MAP2K4: variants seen among roughly 807,000 people sequenced by gnomAD.
MAP2K4 encodes the protein dual specificity mitogen-activated protein kinase kinase 4.
Under a neutral mutation model 48.5 loss-of-function variants are expected in MAP2K4, and 4 were observed. That is an observed-to-expected ratio of 0.08 (90% CI 0.04 to 0.19). MAP2K4 has a LOEUF of 0.19. Among genes scored for constraint, MAP2K4 ranks in the 10% least tolerant of loss-of-function variants. The pLI is 1.00. For synonymous variants in MAP2K4, 166 were observed against 173.1 expected (o/e 0.96, Z 0.32); for missense variants, 258 against 493.3 (o/e 0.52, Z 4.52).
At chr17:12,139,431 A>AT (rs1973306747) in intron 9 of MAP2K4, among the ~76,000 whole-genome samples, 1 of 152,184 alleles carries the variant, frequency 6.6e-6, no homozygotes, top group Non-Finnish European at 1.5e-5. Flanking sequence ...GAATTACTTG[A>AT]TTGCTGGTTT....
chr17:12,113,672 C>T (rs1972382468), intron 7 of MAP2K4, among the ~76,000 whole-genome samples: 1 of 152,174 alleles, frequency 6.6e-6, no homozygotes, highest in African/African-American at 2.4e-5. Flanking sequence ...AAGTTCCCAC[C>T]GTCCCTTAGT....
At chr17:12,133,122 C>T (rs1973085672) in intron 9 of MAP2K4, among the ~76,000 whole-genome samples, 1 of 152,038 alleles carries the variant, frequency 6.6e-6, no homozygotes, top group Non-Finnish European at 1.5e-5. Context: ...TGCTCTGTCG[C>T]CCAGGCTGGA....
chr17:12,143,324 T>G lies in MAP2K4; in HGVS notation c.*2064T>G. 1 of 232,870 alleles carries G rather than the reference T, an allele frequency of 4.3e-6. No homozygotes were observed. The highest frequency in any genetic ancestry group is 8.5e-6 in the Non-Finnish European group (1 of 117,536). 14.4% of individuals were successfully genotyped at this position (232,870 alleles called of 1,614,324 possible). On this transcript the variant is annotated 3_prime_UTR_variant, in exon 11 of 11. Coordinates refer to ENST00000353533, the MANE Select transcript of MAP2K4 (RefSeq NM_003010.4). ...CCGTTCTATTGTGTGGATGACCACATAAGAAGGCAATTTTAGTGTATTAAT... is the reference window on the plus strand; with the variant it reads ...CCGTTCTATTGTGTGGATGACCACAGAAGAAGGCAATTTTAGTGTATTAAT...
rs894653497 is a variant in MAP2K4, at chr17:12,030,057, T to C, written c.115+9056T>C. Among the ~76,000 whole-genome samples, 14 of 152,340 alleles carry C rather than the reference T, an allele frequency of 9.2e-5. No individual in the cohort carries two copies. In the South Asian group the frequency reaches 2.9e-3, roughly 32 times the overall value. ...ATTTTTCCTTCCCACCATCTTTCTCTTGTGCAAGACTGTTGCTTGTCCCCT... is the reference window on the plus strand; with the variant it reads ...ATTTTTCCTTCCCACCATCTTTCTCCTGTGCAAGACTGTTGCTTGTCCCCT... On this transcript the variant is annotated intron_variant, in intron 1 of 10. Transcript: ENST00000353533.
chr17:12,123,211 A>G (rs1320177986), intron 7 of MAP2K4, among the ~76,000 whole-genome samples: 3 of 152,248 alleles, frequency 2.0e-5, no homozygotes, highest in African/African-American at 7.2e-5. Context: ...GTATTTGAAA[A>G]GAGTTCACCA....
chr17:12,134,092 C>A (rs1357564982), intron 9 of MAP2K4, among the ~76,000 whole-genome samples: 1 of 152,198 alleles, frequency 6.6e-6, no homozygotes, highest in Non-Finnish European at 1.5e-5. Context: ...AAAATTAAAT[C>A]CCTATAGTAG....
intron 4 of MAP2K4, among the ~76,000 whole-genome samples, chr17:12,100,130 A>G (rs1971892910): frequency 6.6e-6 from 1 of 152,206 alleles, no homozygotes; most frequent in Non-Finnish European, 1.5e-5. Context: ...TGTTTGAACA[A>G]ATGTATACAC....
chr17:12,027,150 T>C (rs1461382506), intron 1 of MAP2K4, among the ~76,000 whole-genome samples: 4 of 152,196 alleles, frequency 2.6e-5, no homozygotes, highest in Admixed American at 2.6e-4. Flanking sequence ...CTCTTCATGC[T>C]CGGTAAGGTT....
intron 7 of MAP2K4, among the ~76,000 whole-genome samples, chr17:12,118,639 T>A (rs1972577814): frequency 6.6e-6 from 1 of 152,224 alleles, no homozygotes; most frequent in African/African-American, 2.4e-5. Context: ...CAAATGCGAC[T>A]TCATTAATTC....
chr17:12,119,932 G>T (rs917063920), intron 7 of MAP2K4, among the ~76,000 whole-genome samples: 3 of 152,134 alleles, frequency 2.0e-5, no homozygotes, highest in Non-Finnish European at 4.4e-5. Context: ...AATACCACAT[G>T]TTCTCTTAAG....
At chr17:12,042,167 C>CA (rs71142262) in intron 1 of MAP2K4, among the ~76,000 whole-genome samples, 14,755 of 55,426 alleles carry the variant, frequency 0.27, 2,324 homozygotes, top group Middle Eastern at 0.34. Context: ...AACTTTGTCT[C>CA]AAAAAAAAAA....
intron 4 of MAP2K4, among the ~76,000 whole-genome samples, chr17:12,100,234 G>A (rs193124467): frequency 7.9e-5 from 12 of 152,250 alleles, no homozygotes; most frequent in African/African-American, 2.4e-4. Flanking sequence ...CCTCTCTGCT[G>A]TCCCCATTCT....
chr17:12,112,510 T>C (rs1253153865), intron 6 of MAP2K4, among the ~76,000 whole-genome samples: 1 of 151,914 alleles, frequency 6.6e-6, no homozygotes, highest in Non-Finnish European at 1.5e-5. Context: ...GAATGGATGT[T>C]TGATAGGCCC....
At chr17:12,021,308 G>T (rs1028501032) in intron 1 of MAP2K4, 1 of 190,876 alleles carries the variant, frequency 5.2e-6, no homozygotes, top group African/African-American at 2.3e-5. Flanking sequence ...CGTCCCCATC[G>T]CCCCCGCCGC....
chr17:12,139,910 A>C, intron 10 of MAP2K4, 26 bp downstream of exon 10: 2 of 1,554,696 alleles, frequency 1.3e-6, no homozygotes, highest in Non-Finnish European at 1.7e-6. Flanking sequence ...TGGGGATTGT[A>C]GGTACATCCT....
At chr17:12,121,571 T>G (rs2151584411) in intron 7 of MAP2K4, among the ~76,000 whole-genome samples, 1 of 105,450 alleles carries the variant, frequency 9.5e-6, no homozygotes, top group East Asian at 2.9e-4. Flanking sequence ...CGAGACTCCG[T>G]CTCAAAAAAA....
chr17:12,091,494 A>G (rs893828268), intron 3 of MAP2K4, among the ~76,000 whole-genome samples: 2 of 152,130 alleles, frequency 1.3e-5, no homozygotes, highest in African/African-American at 4.8e-5. Flanking sequence ...CCAACAACTA[A>G]ATTTGTGGCT....
In MAP2K4 at chr17:12,081,317, T is replaced by A; in HGVS notation, c.219-39T>A. 6.5e-7 allele frequency: 1 copy of A among 1,543,024 alleles called. No individual in the cohort carries two copies. Among genetic ancestry groups the A allele is most frequent in the East Asian group, 2.3e-5 (1 of 44,394 alleles). On this transcript the variant is annotated intron_variant, in intron 2 of 10. Transcript: ENST00000353533. The surrounding 1 kb of genome is among the most constrained non-coding windows in gnomAD (Gnocchi z 4.2). ...ACTAAAAGAAAAAAGTTAAAACCTATTTAAAATGTGGAAAAATTGCTTCCC... is the reference window on the plus strand; with the variant it reads ...ACTAAAAGAAAAAAGTTAAAACCTAATTAAAATGTGGAAAAATTGCTTCCC...
At chr17:12,104,403 C>T (rs538475758) in intron 4 of MAP2K4, among the ~76,000 whole-genome samples, 2 of 152,034 alleles carry the variant, frequency 1.3e-5, no homozygotes, top group Admixed American at 1.3e-4. Context: ...ATTTAGTATG[C>T]CATCAGCATT....
Sources: allele counts gnomAD v4.1 joint callset (sites outside exome capture counted in the v4.1 genomes callset), GRCh38; gene constraint gnomAD v4.1.1; non-coding constraint Gnocchi (gnomAD v3.1); transcripts MANE v1.5; gene names NCBI Gene and HGNC (gene_info 2026-07-23, HGNC 2026-07-21).